MACF1: variants seen among roughly 807,000 people sequenced by gnomAD.
MACF1 encodes the protein microtubule actin crosslinking factor 1, also known as microtubule-actin cross-linking factor 1.
In MACF1, 193 loss-of-function variants were observed where a neutral mutation model predicts 854.8. The observed-to-expected ratio is 0.23, with a 90% CI of 0.20 to 0.25. MACF1 has a LOEUF of 0.25. Among genes scored for constraint, MACF1 ranks in the 10% least tolerant of loss-of-function variants. MACF1 has a pLI of 1.00. For synonymous variants in MACF1, 3,185 were observed against 3,226.7 expected (o/e 0.99, Z 0.44); for missense variants, 7,722 against 8,929.1 (o/e 0.86, Z 5.45).
At chr1:39,254,416 T>C in intron 5 of MACF1, 41 bp downstream of exon 5, 1 of 1,577,718 alleles carries the variant, frequency 6.3e-7, no homozygotes, top group Non-Finnish European at 8.7e-7. Context: ...CCAGGCTGTG[T>C]TGGCATTGGG....
At chr1:39,288,096 A>C (rs1349920024) in intron 15 of MACF1, among the ~76,000 whole-genome samples, 1 of 152,216 alleles carries the variant, frequency 6.6e-6, no homozygotes, top group East Asian at 1.9e-4. Flanking sequence ...TGATACAGGC[A>C]TGTAATGCAT....
chr1:39,331,420 A>G lies in MACF1; in HGVS notation c.4832A>G (p.Gln1611Arg). Reference protein sequence around the residue: ...RNLINPQMYQQLRELQDALAL... With the variant: ...RNLINPQMYQRLRELQDALAL... ...CTCATTAATCCCCAGATGTACCAGC[A>G]GCTCCGGGAGCTACAGGATGCCCTG... is the stretch of plus-strand genomic sequence containing the variant. The change falls in exon 37 of 101, where the codon CAG becomes CGG. Residue 1611 changes from glutamine to arginine, a missense_variant. By Grantham distance (43) the Gln-to-Arg change is conservative. Transcript: ENST00000564288. The G allele has an allele frequency of 6.2e-7, 1 of 1,614,104 alleles. No individual in the cohort carries two copies. Among genetic ancestry groups the G allele is most frequent in the Non-Finnish European group, 8.5e-7 (1 of 1,180,020 alleles).
chr1:39,252,857 G>C (rs2148335860), intron 4 of MACF1, among the ~76,000 whole-genome samples: 1 of 152,296 alleles, frequency 6.6e-6, no homozygotes, highest in South Asian at 2.1e-4. Context: ...TCCTATTTGA[G>C]AAGTGTTGCT....
chr1:39,226,596 C>T (rs1159017458), intron 1 of MACF1, among the ~76,000 whole-genome samples: 3 of 152,066 alleles, frequency 2.0e-5, no homozygotes, highest in African/African-American at 7.2e-5. Context: ...GCCTCAGCCT[C>T]CCAAAGTGCT....
intron 58 of MACF1, among the ~76,000 whole-genome samples, chr1:39,401,652 G>A (rs975856752): frequency 6.6e-6 from 1 of 152,204 alleles, no homozygotes; most frequent in African/African-American, 2.4e-5. Flanking sequence ...AAGGAAAGAA[G>A]ATAATTCAAA....
intron 2 of MACF1, among the ~76,000 whole-genome samples, chr1:39,087,510 T>C (rs1641702348): frequency 6.6e-6 from 1 of 151,986 alleles, no homozygotes; most frequent in African/African-American, 2.4e-5. Flanking sequence ...CTTCCTGTTC[T>C]CATCCTTTCC....
chr1:39,432,751 T>C, intron 67 of MACF1, 97 bp downstream of exon 67: 1 of 1,249,464 alleles, frequency 8.0e-7, no homozygotes, highest in Non-Finnish European at 1.1e-6. Context: ...AATAATTTAG[T>C]GGCATGATGG....
chr1:39,337,114 C>T, intron 37 of MACF1, 68 bp from the exon 38 acceptor site: 1 of 1,496,032 alleles, frequency 6.7e-7, no homozygotes, highest in Non-Finnish European at 9.0e-7. Flanking sequence ...ACAAAAACCC[C>T]TGCCTGCTTT....
rs1228447852 is a variant in MACF1 at position 39,317,357 on chromosome 1, C to T, written c.3732C>T (p.Gly1244=). ...ATTTGGAGCGCTATCAGGAAAAAGG[C>T]TCCCAGCTGCAGGAGCGTTGGCACC... ...NLDLERYQEK[G]SQLQERWHRV... The change falls in exon 29 of 101, where the codon GGC becomes GGT. Residue 1244 remains glycine, a synonymous_variant. Transcript: ENST00000564288. The T allele has an allele frequency of 1.2e-6, 2 of 1,613,642 alleles. No individual in the cohort carries two copies. The highest frequency in any genetic ancestry group is 2.2e-5 in the South Asian group (2 of 91,054).
intron 80 of MACF1, 40 bp downstream of exon 80, chr1:39,444,875 T>G: frequency 6.7e-7 from 1 of 1,501,218 alleles, no homozygotes; most frequent in South Asian, 1.3e-5. Flanking sequence ...ATTTGCTGAG[T>G]GATTGCATGT....
chr1:39,429,524 T>C (rs901410896), intron 64 of MACF1, among the ~76,000 whole-genome samples, 198 bp downstream of exon 64: 32 of 152,192 alleles, frequency 2.1e-4, no homozygotes, highest in Non-Finnish European at 8.8e-5. Context: ...CACATCTGGT[T>C]ATAGATGATG....
At chr1:39,250,708 C>T (rs1645031473) in intron 3 of MACF1, among the ~76,000 whole-genome samples, 2 of 152,132 alleles carry the variant, frequency 1.3e-5, no homozygotes, top group Admixed American at 6.5e-5. Flanking sequence ...AATTAATATG[C>T]CTGCTTCTTC....
At chr1:39,468,437 T>C (rs527991051) in intron 95 of MACF1, among the ~76,000 whole-genome samples, 178 bp from the exon 96 acceptor site, 1 of 152,360 alleles carries the variant, frequency 6.6e-6, no homozygotes, top group East Asian at 1.9e-4. Flanking sequence ...TTGATATTTC[T>C]GCTTTTCTAT....
At position 39,463,490 on chromosome 1, in the gene MACF1, C is replaced by CAA. The variant is rs58454766; in HGVS notation, c.21679-108_21679-107dup. 4.7e-3 allele frequency: 2,400 copies of CAA among 509,158 alleles called. 16 individuals are homozygous for CAA. Among genetic ancestry groups the CAA allele is most frequent in the African/African-American group, 0.03 (1,311 of 44,004 alleles). The allele number at this position is 509,158 out of a possible 1,614,324, so 31.5% of individuals were successfully genotyped here. On this transcript the variant is annotated intron_variant, in intron 93 of 100. Transcript: ENST00000564288. ...GGGCAACAAGAGCGAAACTCCATCT[C>CAA]AAAAAAAAAAAAAAATGTAAATAAT...
chr1:39,298,617 A>G (rs1310993930), intron 21 of MACF1: 1 of 432,166 alleles, frequency 2.3e-6, no homozygotes, highest in East Asian at 7.1e-5. Flanking sequence ...AAATTTGAGC[A>G]TTTGTGAATT....
intron 93 of MACF1, 59 bp from the exon 94 acceptor site, chr1:39,463,553 C>T (rs1644601099): frequency 8.3e-7 from 1 of 1,211,426 alleles, no homozygotes; most frequent in African/African-American, 1.5e-5. Context: ...ATCTTTGTTT[C>T]TCTGAATAGG....
At chr1:39,248,188 G>A (rs16826000) in intron 2 of MACF1, among the ~76,000 whole-genome samples, 3 of 151,782 alleles carry the variant, frequency 2.0e-5, no homozygotes, top group South Asian at 2.1e-4. Flanking sequence ...TGGTTTTTCC[G>A]TCTTCTTTCT....
At chr1:39,280,835 C>T (rs2148378253) in intron 6 of MACF1, among the ~76,000 whole-genome samples, 1 of 152,298 alleles carries the variant, frequency 6.6e-6, no homozygotes, top group South Asian at 2.1e-4. Flanking sequence ...GCCTCAGCCT[C>T]CCAAAGAGCT....
intron 91 of MACF1, 87 bp downstream of exon 91, chr1:39,459,336 C>G (rs1644504028): frequency 7.3e-7 from 1 of 1,361,566 alleles, no homozygotes; most frequent in East Asian, 2.4e-5. Context: ...TAATGTGAAC[C>G]TTGTGTCTTA....
Sources: gnomAD v4.1 joint callset for allele counts (sites outside exome capture counted in the v4.1 genomes callset) on GRCh38, gnomAD v4.1.1 for gene constraint, MANE v1.5 for transcripts, NCBI Gene and HGNC (gene_info 2026-07-23, HGNC 2026-07-21) for gene names.